PPP2R2D: variants seen among roughly 807,000 people sequenced by gnomAD.
PPP2R2D encodes the protein serine/threonine-protein phosphatase 2A 55 kDa regulatory subunit B delta isoform.
PPP2R2D carries 9 observed loss-of-function variants against 31.1 expected under a neutral mutation model. The ratio of observed to expected loss-of-function variants is 0.29; its 90% confidence interval spans 0.17 to 0.51. PPP2R2D has a LOEUF of 0.51. Among genes scored for constraint, PPP2R2D ranks in the 20% least tolerant of loss-of-function variants. The probability of loss-of-function intolerance (pLI) is 0.98; values close to 1 mark genes in which losing one functional copy is unlikely to be tolerated. For synonymous variants in PPP2R2D, 179 were observed against 172.6 expected (o/e 1.04, Z -0.29); for missense variants, 391 against 465.6 (o/e 0.84, Z 1.48).
At chr10:131,940,897 T>C (rs1554897145) in intron 5 of PPP2R2D, 1 of 498,318 alleles carries the variant, frequency 2.0e-6, no homozygotes, top group African/African-American at 2.0e-5. Flanking sequence ...GAAAGTCACA[T>C]GTGGTCCTTA....
Position 131,942,326 on chromosome 10 carries a change from A to G in PPP2R2D, c.477+1632A>G, listed in dbSNP as rs538745224. Among the ~76,000 whole-genome samples, 48 of 152,346 alleles carry G rather than the reference A, an allele frequency of 3.2e-4. 1 individual carries two copies. Among genetic ancestry groups the G allele is most frequent in the South Asian group, 2.3e-3 (11 of 4,830 alleles). On this transcript the variant is annotated intron_variant, in intron 5 of 8. Coordinates refer to ENST00000455566, the MANE Select transcript of PPP2R2D (RefSeq NM_018461.5). ...TAGGTTTAGCCTAAATAAAACGGGTATAATTGGTGGCCCTACTGAAGGTGT... is the reference window on the plus strand; with the variant it reads ...TAGGTTTAGCCTAAATAAAACGGGTGTAATTGGTGGCCCTACTGAAGGTGT...
At chr10:131,970,683 A>T in the PPP2R2D span, 1 of 1,614,214 alleles carries the variant, frequency 6.2e-7, no homozygotes, top group Non-Finnish European at 8.5e-7. This position sits in a 1 kb window ranked among gnomAD's most constrained non-coding sequence, Gnocchi z 4.1. Flanking sequence ...AGATGGAAGG[A>T]AAACTTTCAG....
chr10:131,909,004 A>G (rs1210226499), intron 2 of PPP2R2D, among the ~76,000 whole-genome samples: 1 of 152,224 alleles, frequency 6.6e-6, no homozygotes, highest in African/African-American at 2.4e-5. Flanking sequence ...TCCTTGCACC[A>G]TGGCTGGACC....
intron 2 of PPP2R2D, among the ~76,000 whole-genome samples, chr10:131,906,771 A>AAG (rs1306353419): frequency 2.6e-5 from 4 of 151,216 alleles, no homozygotes; most frequent in African/African-American, 9.7e-5. Flanking sequence ...AAAAAAAAAA[A>AAG]AAAGAAAGAA....
At position 131,945,668 on chromosome 10, in the gene PPP2R2D, C is replaced by A. The variant is rs972572256; in HGVS notation, c.820+209C>A. ...ACAGACAGGGTTTCACCATGTTGAC[C>A]AGACTGGTCTGACCTCAGGTGATCC... On this transcript the variant is annotated intron_variant, in intron 7 of 8. Coordinates refer to ENST00000455566, the MANE Select transcript of PPP2R2D (RefSeq NM_018461.5). The surrounding 1 kb of genome is among the most constrained non-coding windows in gnomAD (Gnocchi z 4.8). 7 of 593,026 alleles carry A rather than the reference C, an allele frequency of 1.2e-5. No homozygotes were observed. Among genetic ancestry groups the A allele is most frequent in the Non-Finnish European group, 2.0e-5 (7 of 345,974 alleles). The allele number at this position is 593,026 out of a possible 1,614,324, so 36.7% of individuals were successfully genotyped here. A position where few individuals can be genotyped will look rare whatever the true frequency, so the allele number is the denominator to read the frequency against.
At chr10:131,969,052 G>C in the PPP2R2D span, 1 of 157,560 alleles carries the variant, frequency 6.3e-6, no homozygotes, top group African/African-American at 2.4e-5. Context: ...GCTCGCTCCA[G>C]CTGACCAGCG....
At chr10:131,949,131 A>G (rs1354073949) in intron 8 of PPP2R2D, among the ~76,000 whole-genome samples, 1 of 152,152 alleles carries the variant, frequency 6.6e-6, no homozygotes, top group Non-Finnish European at 1.5e-5. Context: ...AGCCTGTAGC[A>G]TCTCACGGAT....
At chr10:131,941,227 T>A (rs2036435546) in intron 5 of PPP2R2D, among the ~76,000 whole-genome samples, 1 of 152,266 alleles carries the variant, frequency 6.6e-6, no homozygotes, top group Non-Finnish European at 1.5e-5. Flanking sequence ...TTTGCTCCAT[T>A]GTTGGTAGTA....
intron 2 of PPP2R2D, among the ~76,000 whole-genome samples, chr10:131,920,434 GTGTT>G (rs782026787): frequency 5.4e-4 from 82 of 152,218 alleles, no homozygotes; most frequent in South Asian, 3.7e-3. Context: ...GAATGACACA[GTGTT>G]TGTGGGGACC....
downstream of PPP2R2D, among the ~76,000 whole-genome samples, chr10:131,960,893 G>A (rs1554901349): frequency 1.3e-5 from 2 of 152,208 alleles, no homozygotes; most frequent in African/African-American, 4.8e-5. Flanking sequence ...GCAGGCAAAG[G>A]GACAGGATGG....
At chr10:131,904,988 T>C (rs934648910) in intron 2 of PPP2R2D, among the ~76,000 whole-genome samples, 20 of 19,306 alleles carry the variant, frequency 1.0e-3, no homozygotes, top group South Asian at 3.5e-3. Flanking sequence ...CCCACCCCCC[T>C]TTTTTTTTTA....
At chr10:131,907,112 G>A (rs2035602188) in intron 2 of PPP2R2D, among the ~76,000 whole-genome samples, 1 of 151,806 alleles carries the variant, frequency 6.6e-6, no homozygotes, top group South Asian at 2.1e-4. Flanking sequence ...AATGAAATAC[G>A]GTGTTGGTGA....
At chr10:131,935,643 G>T (rs974156138) in intron 3 of PPP2R2D, among the ~76,000 whole-genome samples, 1 of 152,204 alleles carries the variant, frequency 6.6e-6, no homozygotes, top group African/African-American at 2.4e-5. Context: ...TGTTTTCTCT[G>T]ATTTGGGATG....
rs782061877 is a variant in PPP2R2D at position 131,943,918 on chromosome 10, A to G, written c.478-50A>G. ...GTTATCTACTATAAGTGTTCTAATT[A>G]TGTGCTGCTGTGATCTTTGTTTTGA... On this transcript the variant is annotated intron_variant, in intron 5 of 8. Coordinates refer to ENST00000455566, the MANE Select transcript of PPP2R2D (RefSeq NM_018461.5). 25 of 748,238 alleles carry G rather than the reference A, an allele frequency of 3.3e-5. No homozygotes were observed. In the South Asian group the frequency reaches 3.4e-4, roughly 10 times the overall value. The allele number at this position is 748,238 out of a possible 1,614,324, so 46.3% of individuals were successfully genotyped here. A position where few individuals can be genotyped will look rare whatever the true frequency, so the allele number is the denominator to read the frequency against.
chr10:131,920,897 G>T (rs7911437), intron 2 of PPP2R2D, among the ~76,000 whole-genome samples: 6,086 of 152,288 alleles, frequency 0.04, 159 homozygotes, highest in Non-Finnish European at 0.056. Context: ...GCGCCACTGT[G>T]CTCCAGCCTG....
intron 2 of PPP2R2D, 35 bp from the exon 3 acceptor site, chr10:131,934,423 G>T (rs370415057): frequency 1.7e-5 from 13 of 753,228 alleles, no homozygotes; most frequent in Non-Finnish European, 3.2e-5. Context: ...CCCCAAAACC[G>T]CATCCGGTAA....
chr10:131,940,870 C>G (rs2036429675), intron 5 of PPP2R2D, 176 bp downstream of exon 5: 1 of 520,800 alleles, frequency 1.9e-6, no homozygotes, highest in Non-Finnish European at 3.4e-6. Flanking sequence ...GGTCTTTCTC[C>G]TGTTTTCACA....
In PPP2R2D at chr10:131,933,657, C is replaced by T. The variant is rs111544690; in HGVS notation, c.101-801C>T. The stretch of plus-strand genomic sequence containing the variant: ...CTCCAGAGTCTGTCATGGAACTCCC[C>T]CTGAAAACAGAAAATCTTTGTCCAA... On this transcript the variant is annotated intron_variant, in intron 2 of 8. Transcript: ENST00000455566. Among the ~76,000 whole-genome samples the T allele has an allele frequency of 4.6e-5, 7 of 152,184 alleles. 1 individual carries two copies. The highest frequency in any genetic ancestry group is 4.6e-4 in the Admixed American group (7 of 15,276).
At chr10:131,965,006 A>C in the PPP2R2D span, among the ~76,000 whole-genome samples, 1 of 152,124 alleles carries the variant, frequency 6.6e-6, no homozygotes, top group Non-Finnish European at 1.5e-5. Flanking sequence ...ACAAATGAGC[A>C]GTTATGTGTT....
Sources: allele counts gnomAD v4.1 joint callset (sites outside exome capture counted in the v4.1 genomes callset), GRCh38; gene constraint gnomAD v4.1.1; non-coding constraint Gnocchi (gnomAD v3.1); transcripts MANE v1.5; gene names NCBI Gene and HGNC (gene_info 2026-07-23, HGNC 2026-07-21).